CEP72: variants seen among roughly 807,000 people sequenced by gnomAD.
CEP72 encodes the protein centrosomal protein 72, also known as centrosomal protein of 72 kDa.
In CEP72, 78 loss-of-function variants were observed where a neutral mutation model predicts 65.7. That is an observed-to-expected ratio of 1.19 (90% CI 0.99 to 1.43). CEP72 has a LOEUF of 1.43. Ranked by LOEUF, CEP72 falls within the 40% of genes most tolerant of loss-of-function variation. The pLI is 0.00. For synonymous variants in CEP72, 358 were observed against 351.7 expected, an observed-to-expected ratio of 1.02 and a Z score of -0.20; for missense variants, 914 against 832.9, an observed-to-expected ratio of 1.10 and a Z score of -1.20.
intron 9 of CEP72, chr5:641,720 AAC>A: frequency 1.0e-6 from 1 of 984,866 alleles, no homozygotes; most frequent in African/African-American, 1.7e-5. Flanking sequence ...TCTGCATTTA[AAC>A]ACACATGGCC....
At chr5:671,995 GGAGGACGTCACACACAGTGCTCT>G (rs1366720732), downstream of CEP72, among the ~76,000 whole-genome samples, 5 of 152,220 alleles carry the variant, frequency 3.3e-5, no homozygotes, top group African/African-American at 1.2e-4. Flanking sequence ...TGGACAGACA[GGAGGACGTCACACACAGTGCTCT>G]GAGGACCTCA....
rs116639356 is a variant in CEP72, at chr5:664,655, C to T, written n.288-525C>T. On this transcript the variant is annotated intron_variant and non_coding_transcript_variant, in intron 2 of 4. Coordinates refer to the CEP72 transcript ENST00000514507. ...GGGCCCCACAGACACCTCCCACGTC[C>T]GGTGTGGGGCCAATTCCGTGTTAGT... is the stretch of plus-strand genomic sequence containing the variant. The T allele has an allele frequency of 2.6e-3, 439 of 170,796 alleles. 2 individuals carry two copies. Among genetic ancestry groups the T allele is most frequent in the African/African-American group, 9.9e-3 (416 of 41,984 alleles). 10.6% of individuals were successfully genotyped at this position (170,796 alleles called of 1,614,324 possible). A position where few individuals can be genotyped will look rare whatever the true frequency, so the allele number is the denominator to read the frequency against.
At chr5:628,741 A>G (rs1736969718) in intron 4 of CEP72, among the ~76,000 whole-genome samples, 1 of 135,576 alleles carries the variant, frequency 7.4e-6, no homozygotes, top group Non-Finnish European at 1.6e-5. Flanking sequence ...GCTTCTGGAG[A>G]ACTCAGGTTG....
At chr5:670,687 C>T (rs1382131562), downstream of CEP72, among the ~76,000 whole-genome samples, 5 of 152,172 alleles carry the variant, frequency 3.3e-5, no homozygotes, top group South Asian at 2.1e-4. Flanking sequence ...CCAGTGGTCC[C>T]GTTCCAGCAG....
downstream of CEP72, among the ~76,000 whole-genome samples, chr5:655,901 G>A (rs1739365800): frequency 6.6e-6 from 1 of 152,152 alleles, no homozygotes; most frequent in Admixed American, 6.5e-5. This position sits in a 1 kb window ranked among gnomAD's most constrained non-coding sequence, Gnocchi z 5.0. Flanking sequence ...TCTTTTAAGA[G>A]AAATTTTAAA....
intron 2 of CEP72, 85 bp from the exon 3 acceptor site, chr5:619,984 G>C: frequency 9.5e-7 from 1 of 1,047,776 alleles, no homozygotes; most frequent in South Asian, 1.5e-5. Flanking sequence ...TATACAGTTG[G>C]TTGGTCAGTG....
chr5:628,003 C>G (rs1337630376), intron 4 of CEP72, among the ~76,000 whole-genome samples: 2 of 152,318 alleles, frequency 1.3e-5, no homozygotes, highest in Non-Finnish European at 1.5e-5. Context: ...TCACTCGGTG[C>G]GTGCAGACAT....
Position 624,714 on chromosome 5 carries a change from G to A in CEP72, c.512+135G>A. On this transcript the variant is annotated intron_variant, in intron 4 of 11. Coordinates refer to ENST00000264935, the MANE Select transcript of CEP72 (RefSeq NM_018140.4). This position sits in a 1 kb window ranked among gnomAD's most constrained non-coding sequence, Gnocchi z 4.7. The stretch of plus-strand genomic sequence containing the variant: ...CCAGGAGGGAGGAAGGGCAGAGCCT[G>A]CCTGGCGGGGACTCCGTGGACAGTG... The A allele has an allele frequency of 1.5e-6, 1 of 683,750 alleles. No homozygotes were observed. The highest frequency in any genetic ancestry group is 2.7e-6 in the Non-Finnish European group (1 of 371,814). 42.4% of individuals were successfully genotyped at this position (683,750 alleles called of 1,614,324 possible). A position where few individuals can be genotyped will look rare whatever the true frequency, so the allele number is the denominator to read the frequency against.
chr5:646,160 A>G (rs1482456594), intron 10 of CEP72, among the ~76,000 whole-genome samples: 1 of 152,232 alleles, frequency 6.6e-6, no homozygotes, highest in Admixed American at 6.5e-5. Context: ...TGTTTCCAGA[A>G]CCATCAGTGC....
At chr5:644,192 A>C in intron 9 of CEP72, 107 bp from the exon 10 acceptor site, 1 of 1,260,254 alleles carries the variant, frequency 7.9e-7, no homozygotes, top group Non-Finnish European at 1.1e-6. Flanking sequence ...GTGACTCCCA[A>C]GTATGCAGAA....
At chr5:664,023 C>T (rs1739794764) in intron 2 of CEP72, 1 of 152,478 alleles carries the variant, frequency 6.6e-6, no homozygotes, top group Non-Finnish European at 1.5e-5. Context: ...GCTCAGCCCC[C>T]TGCTGGCAGA....
At chr5:642,775 C>T (rs1226364853) in intron 9 of CEP72, 3 of 985,486 alleles carry the variant, frequency 3.0e-6, no homozygotes, top group East Asian at 2.3e-4. Flanking sequence ...AGGAACCCCG[C>T]GGAGGGAGCA....
At position 632,099 on chromosome 5, in the gene CEP72, T is replaced by C. The variant is rs371275274; in HGVS notation, c.513-1670T>C. Among the ~76,000 whole-genome samples, 35 of 52,298 alleles carry C rather than the reference T, an allele frequency of 6.7e-4. 3 individuals carry two copies. The highest frequency in any genetic ancestry group is 3.0e-3 in the African/African-American group (35 of 11,666). The allele number at this position is 52,298 out of a possible 152,430, so 34.3% of individuals were successfully genotyped here. ...CCAGTCCTGGTGGGGTTCTGTCCAG[T>C]GCCGGGATTTAGACCAGTCCTGGTG... On this transcript the variant is annotated intron_variant, in intron 4 of 11. Transcript: ENST00000264935.
intron 5 of CEP72, among the ~76,000 whole-genome samples, chr5:634,395 G>T (rs1561043915): frequency 6.6e-6 from 1 of 152,244 alleles, no homozygotes; most frequent in Non-Finnish European, 1.5e-5. Flanking sequence ...CCTCCACTGG[G>T]ATGTGCTGAT....
intron 8 of CEP72, among the ~76,000 whole-genome samples, chr5:639,743 G>C (rs1737873857): frequency 6.6e-6 from 1 of 152,188 alleles, no homozygotes; most frequent in Admixed American, 6.5e-5. Context: ...ATCACACTGG[G>C]AGACCAGGAG....
rs148699359 is a variant in CEP72, at chr5:627,980, C to T, written c.512+3401C>T. Among the ~76,000 whole-genome samples the T allele has an allele frequency of 2.8e-4, 42 of 152,304 alleles. 1 individual carries two copies. The highest frequency in any genetic ancestry group is 7.7e-4 in the African/African-American group (32 of 41,556). ...CTTTCCTGCTTTCTCAGGGTGCGCG[C>T]GGGCACGGAGCGTCACTCGGTGCGT... On this transcript the variant is annotated intron_variant, in intron 4 of 11. Coordinates refer to ENST00000264935, the MANE Select transcript of CEP72 (RefSeq NM_018140.4).
intron 6 of CEP72, among the ~76,000 whole-genome samples, chr5:636,196 C>A (rs1213240331): frequency 6.6e-6 from 1 of 152,256 alleles, no homozygotes; most frequent in Non-Finnish European, 1.5e-5. Context: ...TTTGCTTTTA[C>A]TATGAAATTT....
chr5:636,565 T>C (rs1414790262), intron 6 of CEP72, among the ~76,000 whole-genome samples: 3 of 152,060 alleles, frequency 2.0e-5, no homozygotes, highest in African/African-American at 7.2e-5. Context: ...AATCCCAATA[T>C]TTTGGGAGGC....
In CEP72 at chr5:624,581, T is replaced by C; in HGVS notation, c.512+2T>C. 4 of 1,600,828 alleles carry C rather than the reference T, an allele frequency of 2.5e-6. No individual in the cohort carries two copies. Among genetic ancestry groups the C allele is most frequent in the Non-Finnish European group, 3.4e-6 (4 of 1,167,864 alleles). ...CCCAGCTTCTTTGAAAGAGGGCAGG[T>C]ATGAACGGAAGTGCTACGGACACCC... On this transcript the variant is annotated splice_donor_variant, in intron 4 of 11. Transcript: ENST00000264935. LOFTEE classifies it high-confidence loss of function. The surrounding 1 kb of genome is among the most constrained non-coding windows in gnomAD (Gnocchi z 4.7).
Sources: allele counts gnomAD v4.1 joint callset (sites outside exome capture counted in the v4.1 genomes callset), GRCh38; gene constraint gnomAD v4.1.1; non-coding constraint Gnocchi (gnomAD v3.1); transcripts MANE v1.5; gene names NCBI Gene and HGNC (gene_info 2026-07-23, HGNC 2026-07-21).